The following SHISA9 variants were observed in gnomAD, a reference collection of about 807,000 sequenced individuals.
The protein encoded by SHISA9 is protein shisa-9.
In SHISA9, 13 loss-of-function variants were observed where a neutral mutation model predicts 38.0. The observed-to-expected ratio is 0.34, with a 90% CI of 0.22 to 0.54. The LOEUF is 0.54. Ranked by LOEUF, SHISA9 falls within the 20% of genes least tolerant of loss-of-function variation. The pLI is 0.91. For missense variants in SHISA9, 538 were observed against 575.8 expected (o/e 0.93, Z 0.67); for synonymous variants, 275 against 242.0 (o/e 1.14, Z -1.27).
chr16:13,273,641 T>G, the SHISA9 span, among the ~76,000 whole-genome samples: 353 of 152,280 alleles, frequency 2.3e-3, 4 homozygotes, highest in Non-Finnish European at 1.7e-3. Flanking sequence ...TCTTTATCAG[T>G]CAGCAGCTTG....
At chr16:13,385,022 A>G in the SHISA9 span, among the ~76,000 whole-genome samples, 1 of 152,228 alleles carries the variant, frequency 6.6e-6, no homozygotes, top group Non-Finnish European at 1.5e-5. Flanking sequence ...AAAGACAGGA[A>G]GAGACAGTTT....
At chr16:13,407,263 T>C in the SHISA9 span, among the ~76,000 whole-genome samples, 1 of 152,048 alleles carries the variant, frequency 6.6e-6, no homozygotes, top group Non-Finnish European at 1.5e-5. Context: ...TGCTTCCTGA[T>C]TTGTAGATGG....
At chr16:13,487,832 AC>A in the SHISA9 span, among the ~76,000 whole-genome samples, 21 of 152,300 alleles carry the variant, frequency 1.4e-4, no homozygotes, top group Middle Eastern at 3.4e-3. Flanking sequence ...GCAACATGTA[AC>A]CCTTGGATAC....
chr16:13,200,445 A>ACACACACACACAC (rs1444256867), intron 2 of SHISA9, among the ~76,000 whole-genome samples: 1,723 of 100,448 alleles, frequency 0.017, 22 homozygotes, highest in Non-Finnish European at 0.026. Context: ...CACACACAGC[A>ACACACACACACAC]GCAGCAGCAG....
the SHISA9 span, among the ~76,000 whole-genome samples, chr16:13,300,296 A>C: frequency 2.8e-3 from 419 of 152,258 alleles, 3 homozygotes; most frequent in African/African-American, 9.7e-3. Context: ...ACAAGCTGCA[A>C]AGGGAAGCCA....
Position 13,221,658 on chromosome 16 carries a change from C to T in SHISA9, c.895+8358C>T, listed in dbSNP as rs117037815. On this transcript the variant is annotated intron_variant, in intron 4 of 4. Coordinates refer to ENST00000558583, the MANE Select transcript of SHISA9 (RefSeq NM_001145204.3). ...ATGATTCACCTATCATACAATTCAC[C>T]CATTTAAAGTGTAAAATCCAGTGGT... is the stretch of plus-strand genomic sequence containing the variant. 9.2e-3 allele frequency among the ~76,000 whole-genome samples: 1,393 copies of T among 152,136 alleles called. 13 individuals are homozygous for T. The highest frequency in any genetic ancestry group is 0.015 in the Non-Finnish European group (1,038 of 68,004).
intron 4 of SHISA9, among the ~76,000 whole-genome samples, chr16:13,225,575 G>C (rs1276220563): frequency 6.6e-6 from 1 of 152,208 alleles, no homozygotes; most frequent in Non-Finnish European, 1.5e-5. Context: ...TTGGGGCATT[G>C]CTTACCAGGT....
chr16:13,249,028 T>A, the SHISA9 span, among the ~76,000 whole-genome samples: 2 of 152,184 alleles, frequency 1.3e-5, no homozygotes, highest in Non-Finnish European at 2.9e-5. Flanking sequence ...GCTCATTGCA[T>A]GTTGAGGGAA....
At chr16:13,377,089 C>T in the SHISA9 span, among the ~76,000 whole-genome samples, 3,456 of 152,286 alleles carry the variant, frequency 0.023, 56 homozygotes, top group Non-Finnish European at 0.037. Flanking sequence ...GGAAGGGTTA[C>T]AGCATCTCAC....
chr16:13,184,331 G>C (rs1288265390), intron 2 of SHISA9, among the ~76,000 whole-genome samples: 1 of 152,066 alleles, frequency 6.6e-6, no homozygotes, highest in Non-Finnish European at 1.5e-5. Context: ...CTCAGATCCT[G>C]GGCTATGGAT....
chr16:13,221,703 T>C (rs539834485), intron 4 of SHISA9, among the ~76,000 whole-genome samples: 2 of 152,308 alleles, frequency 1.3e-5, no homozygotes, highest in East Asian at 1.9e-4. Context: ...GTTCACAGAA[T>C]TGTGCAACCA....
At chr16:13,156,021 C>CA (rs569981766) in intron 2 of SHISA9, among the ~76,000 whole-genome samples, 338 of 152,030 alleles carry the variant, frequency 2.2e-3, no homozygotes, top group African/African-American at 7.8e-3. Context: ...GTTTACACAG[C>CA]AAAAAAACGC....
chr16:13,198,436 G>A (rs369204353), intron 2 of SHISA9, among the ~76,000 whole-genome samples: 60 of 151,918 alleles, frequency 3.9e-4, no homozygotes, highest in South Asian at 4.2e-4. Flanking sequence ...ATACACACAC[G>A]TACACACATG....
chr16:13,547,568 G>C, the SHISA9 span, among the ~76,000 whole-genome samples: 1 of 152,124 alleles, frequency 6.6e-6, no homozygotes, highest in African/African-American at 2.4e-5. Flanking sequence ...GAGAGGGAGA[G>C]AATTTGCCAT....
intron 2 of SHISA9, among the ~76,000 whole-genome samples, chr16:13,080,681 T>C (rs2073638567): frequency 6.6e-6 from 1 of 152,244 alleles, no homozygotes; most frequent in South Asian, 2.1e-4. Flanking sequence ...TCCTAGTGAA[T>C]AATGCTTTGC....
the SHISA9 span, among the ~76,000 whole-genome samples, chr16:13,365,479 CAG>C: frequency 4.5e-5 from 5 of 110,352 alleles, no homozygotes; most frequent in South Asian, 6.1e-4. Context: ...TTTTTTGAGA[CAG>C]AGTCTCAGTC....
chr16:13,209,855 A>C (rs1411359357), intron 3 of SHISA9, among the ~76,000 whole-genome samples: 1 of 152,236 alleles, frequency 6.6e-6, no homozygotes, highest in South Asian at 2.1e-4. Context: ...TAATTCCAGC[A>C]CTTTGGGAGG....
chr16:13,118,862 T>C (rs1035174024), intron 2 of SHISA9, among the ~76,000 whole-genome samples: 2 of 151,954 alleles, frequency 1.3e-5, no homozygotes, highest in African/African-American at 4.8e-5. Context: ...CCAGAGTAGC[T>C]GGGATTACAG....
intron 2 of SHISA9, among the ~76,000 whole-genome samples, chr16:13,196,442 A>G (rs2819688): frequency 0.51 from 77,022 of 149,880 alleles, 21,050 homozygotes; most frequent in African/African-American, 0.71. Flanking sequence ...TCTACAAGAT[A>G]TCTGACCCTG....
Sources: allele counts gnomAD v4.1 joint callset (sites outside exome capture counted in the v4.1 genomes callset), GRCh38; gene constraint gnomAD v4.1.1; transcripts MANE v1.5; gene names NCBI Gene and HGNC (gene_info 2026-07-23, HGNC 2026-07-21).